SMPDL3B: variants seen among roughly 807,000 people sequenced by gnomAD.
SMPDL3B encodes sphingomyelin phosphodiesterase acid like 3B.
In SMPDL3B, 31 loss-of-function variants were observed where a neutral mutation model predicts 37.9. That is an observed-to-expected ratio of 0.82 (90% CI 0.61 to 1.10). The LOEUF (loss-of-function observed/expected upper bound fraction) is 1.10, where lower values mean the gene tolerates loss of function less well. Among genes scored for constraint, SMPDL3B ranks in the 50% least tolerant of loss-of-function variants. The probability of loss-of-function intolerance (pLI) is 0.00; values close to 1 mark genes in which losing one functional copy is unlikely to be tolerated. For missense variants in SMPDL3B, 525 were observed against 597.8 expected, an observed-to-expected ratio of 0.88 and a Z score of 1.27; for synonymous variants, 235 against 242.6, an observed-to-expected ratio of 0.97 and a Z score of 0.29.
intron 2 of SMPDL3B, among the ~76,000 whole-genome samples, chr1:27,947,235 C>T (rs1279305841): frequency 1.3e-5 from 2 of 152,000 alleles, no homozygotes; most frequent in African/African-American, 2.4e-5. Context: ...AAGGTTTCTC[C>T]ATGTTGGTGA....
Position 27,945,029 on chromosome 1 carries a change from A to G in SMPDL3B, c.62-203A>G, listed in dbSNP as rs1217603672. ...GCCAAAGGTCAGCGCTCAGGGATGG[A>G]GCTGAGCCTGTTCTGTGCTCTGCTC... On this transcript the variant is annotated intron_variant, in intron 1 of 7. Coordinates refer to ENST00000373894, the MANE Select transcript of SMPDL3B (RefSeq NM_014474.4). The surrounding 1 kb of genome is among the most constrained non-coding windows in gnomAD (Gnocchi z 4.0). 6.6e-6 allele frequency among the ~76,000 whole-genome samples: 1 copy of G among 152,110 alleles called. No individual in the cohort carries two copies. Among genetic ancestry groups the G allele is most frequent in the Non-Finnish European group, 1.5e-5 (1 of 68,000 alleles).
rs190637632 is a variant in SMPDL3B, at chr1:27,942,525, C to T, written c.62-2707C>T. On this transcript the variant is annotated intron_variant, in intron 1 of 7. Coordinates refer to ENST00000373894, the MANE Select transcript of SMPDL3B (RefSeq NM_014474.4). ...AGACAGTCTTGCTGTGTCGCACAGG[C>T]AGGAGTGCAGTGGTGCAATCTCGGC... 1.4e-4 allele frequency among the ~76,000 whole-genome samples: 22 copies of T among 152,366 alleles called. No individual in the cohort carries two copies. In the East Asian group the frequency reaches 4.0e-3, roughly 28 times the overall value.
At chr1:27,951,589 G>A (rs1481462811) in intron 3 of SMPDL3B, among the ~76,000 whole-genome samples, 1 of 152,232 alleles carries the variant, frequency 6.6e-6, no homozygotes, top group Non-Finnish European at 1.5e-5. Context: ...TCATATGCCT[G>A]TAAACCCAGC....
intron 3 of SMPDL3B, among the ~76,000 whole-genome samples, chr1:27,950,223 C>T (rs980165175): frequency 6.6e-6 from 1 of 152,188 alleles, no homozygotes; most frequent in Non-Finnish European, 1.5e-5. Context: ...CCCAGCCAAC[C>T]CAAGTCAGGC....
intron 7 of SMPDL3B, among the ~76,000 whole-genome samples, chr1:27,956,851 G>C (rs1422272474): frequency 6.6e-6 from 1 of 150,536 alleles, no homozygotes; most frequent in Non-Finnish European, 1.5e-5. Flanking sequence ...TACTGTGTTA[G>C]ATAGGTGGGA....
chr1:27,942,018 C>T (rs747738825), intron 1 of SMPDL3B, among the ~76,000 whole-genome samples: 3 of 151,506 alleles, frequency 2.0e-5, no homozygotes, highest in Admixed American at 6.6e-5. Context: ...CAGACACACA[C>T]GCACACACAC....
At position 27,955,978 on chromosome 1, in the gene SMPDL3B, C is replaced by A. The variant is rs1264316476; in HGVS notation, c.901C>A (p.Pro301Thr). The change falls in exon 7 of 8, where the codon CCT becomes ACT. Residue 301 changes from proline to threonine, a missense_variant. Pro to Thr is a conservative substitution (Grantham distance 38). Coordinates refer to ENST00000373894, the MANE Select transcript of SMPDL3B (RefSeq NM_014474.4). ...GVPISAMFIT[P>T]GVTPWKTTLP... is the part of the protein sequence containing the mutation. ...CCCCATAAGCGCCATGTTCATCACA[C>A]CTGGAGTCACCCCATGGAAAACCAC... 1 of 1,614,120 alleles carries A rather than the reference C, an allele frequency of 6.2e-7. No individual in the cohort carries two copies. The highest frequency in any genetic ancestry group is 8.5e-7 in the Non-Finnish European group (1 of 1,180,018).
chr1:27,939,406 G>A (rs530418941), intron 1 of SMPDL3B, among the ~76,000 whole-genome samples: 11 of 152,038 alleles, frequency 7.2e-5, no homozygotes, highest in South Asian at 4.2e-4. Context: ...GCTGGAGTGC[G>A]GTGCTGCAAT....
intron 4 of SMPDL3B, 37 bp from the exon 5 acceptor site, chr1:27,954,317 G>A (rs2090479267): frequency 1.3e-6 from 2 of 1,590,596 alleles, no homozygotes; most frequent in Non-Finnish European, 1.7e-6. Flanking sequence ...CTGGCCAGAG[G>A]TGGGGGCCTC....
At chr1:27,946,696 G>T (rs1439022989) in intron 2 of SMPDL3B, among the ~76,000 whole-genome samples, 1 of 152,204 alleles carries the variant, frequency 6.6e-6, no homozygotes, top group African/African-American at 2.4e-5. Flanking sequence ...TTCTGACTTT[G>T]CGCTCCCTCT....
In SMPDL3B at chr1:27,954,259, A is replaced by G. The variant is rs1487466796; in HGVS notation, c.518-95A>G. On this transcript the variant is annotated intron_variant, in intron 4 of 7. Transcript: ENST00000373894. ...TGGGAAAGATGGGAGGGGAAGATGC[A>G]ACGGAAAAAGAAAGTGGGACATTGA... 5.9e-6 allele frequency: 7 copies of G among 1,184,232 alleles called. No homozygotes were observed. The East Asian group carries it at 1.7e-4, about 30-fold the overall frequency. 73.4% of individuals were successfully genotyped at this position (1,184,232 alleles called of 1,614,324 possible). A position where few individuals can be genotyped will look rare whatever the true frequency, so the allele number is the denominator to read the frequency against.
chr1:27,955,384 A>T (rs1357974993), intron 5 of SMPDL3B, among the ~76,000 whole-genome samples: 2 of 152,224 alleles, frequency 1.3e-5, no homozygotes, highest in African/African-American at 4.8e-5. Flanking sequence ...AGAGAAGAGT[A>T]GTCTTTGAAG....
Position 27,958,896 on chromosome 1 carries a change from C to T in SMPDL3B, c.*58C>T. 1 of 1,478,338 alleles carries T rather than the reference C, an allele frequency of 6.8e-7. No homozygotes were observed. Among genetic ancestry groups the T allele is most frequent in the Non-Finnish European group, 9.0e-7 (1 of 1,111,120 alleles). 91.6% of individuals were successfully genotyped at this position (1,478,338 alleles called of 1,614,324 possible). A position where few individuals can be genotyped will look rare whatever the true frequency, so the allele number is the denominator to read the frequency against. On this transcript the variant is annotated 3_prime_UTR_variant, in exon 8 of 8. Coordinates refer to ENST00000373894, the MANE Select transcript of SMPDL3B (RefSeq NM_014474.4). This position sits in a 1 kb window ranked among gnomAD's most constrained non-coding sequence, Gnocchi z 5.6. ...TAACGGGGGCAGCGCCCAGGATCACCCAGAGCTGGGCCTTCCACCATTTCC... is the reference window on the plus strand; with the variant it reads ...TAACGGGGGCAGCGCCCAGGATCACTCAGAGCTGGGCCTTCCACCATTTCC...
At chr1:27,956,982 G>A (rs553744208) in intron 7 of SMPDL3B, among the ~76,000 whole-genome samples, 2 of 152,232 alleles carry the variant, frequency 1.3e-5, no homozygotes, top group Non-Finnish European at 2.9e-5. Flanking sequence ...GGGAATGTGC[G>A]TGGTAGGTTA....
At chr1:27,937,127 CAG>C (rs1280176265) in intron 1 of SMPDL3B, among the ~76,000 whole-genome samples, 13 of 152,262 alleles carry the variant, frequency 8.5e-5, no homozygotes, top group South Asian at 2.1e-4. Flanking sequence ...GATTCTGAGA[CAG>C]GGGATCAGAC....
rs373542566 is a variant in SMPDL3B at position 27,958,460 on chromosome 1, C to A, written c.1006-16C>A. ...ACAACTGCTCACAGCCGGTCTACCC[C>A]AAACCCTTTTTCCAGGACATGGTGA... On this transcript the variant is annotated splice_polypyrimidine_tract_variant and intron_variant, in intron 7 of 7. Transcript: ENST00000373894. The surrounding 1 kb of genome is among the most constrained non-coding windows in gnomAD (Gnocchi z 5.6). 3.4e-5 allele frequency: 54 copies of A among 1,589,238 alleles called. No individual in the cohort carries two copies. The African/African-American group carries it at 6.7e-4, about 20-fold the overall frequency.
At chr1:27,940,592 C>T (rs2090349034) in intron 1 of SMPDL3B, among the ~76,000 whole-genome samples, 1 of 152,098 alleles carries the variant, frequency 6.6e-6, no homozygotes, top group Admixed American at 6.5e-5. Flanking sequence ...GGACTCCCTC[C>T]CAGGTCTGTG....
rs762839224 is a variant in SMPDL3B, at chr1:27,958,702, T to A, written c.1232T>A (p.Met411Lys). Residue 411 changes from methionine to lysine, a missense_variant, in exon 8 of 8, where the codon ATG (methionine) becomes AAG (lysine). By Grantham distance (95) the Met-to-Lys change is moderately conservative. Transcript: ENST00000373894. This position sits in a 1 kb window ranked among gnomAD's most constrained non-coding sequence, Gnocchi z 5.6. ...GGGGTCTGCGACGAGGCCTGCAGCA[T>A]GCAGCACGTGTGTGCCATGCGCCAG... ...SAGVCDEACS[M>K]QHVCAMRQVD... The A allele has an allele frequency of 6.2e-7, 1 of 1,613,928 alleles. No homozygotes were observed. Among genetic ancestry groups the A allele is most frequent in the South Asian group, 1.1e-5 (1 of 91,092 alleles).
Position 27,945,539 on chromosome 1 carries a change from C to A in SMPDL3B, c.275+94C>A. 9.8e-7 allele frequency: 1 copy of A among 1,015,254 alleles called. No homozygotes were observed. Among genetic ancestry groups the A allele is most frequent in the Non-Finnish European group, 1.5e-6 (1 of 658,350 alleles). 62.9% of individuals were successfully genotyped at this position (1,015,254 alleles called of 1,614,324 possible). ...CTTTGCCCACATTATCTCCCTTAAT[C>A]CTCACATCAGTCTCACGTGAGGCTG... On this transcript the variant is annotated intron_variant, in intron 2 of 7. Transcript: ENST00000373894. The surrounding 1 kb of genome is among the most constrained non-coding windows in gnomAD (Gnocchi z 4.0).
Sources: allele counts gnomAD v4.1 joint callset (sites outside exome capture counted in the v4.1 genomes callset), GRCh38; gene constraint gnomAD v4.1.1; non-coding constraint Gnocchi (gnomAD v3.1); transcripts MANE v1.5; gene names NCBI Gene and HGNC (gene_info 2026-07-23, HGNC 2026-07-21).